Variants in PTPRS observed in about 807,000 individuals in gnomAD.
PTPRS encodes the protein receptor-type tyrosine-protein phosphatase S.
PTPRS carries 63 observed loss-of-function variants against 215.3 expected under a neutral mutation model. The ratio of observed to expected loss-of-function variants is 0.29; its 90% confidence interval spans 0.24 to 0.36. PTPRS has a LOEUF of 0.36. PTPRS is among the 10% of genes least tolerant of loss of function. PTPRS has a pLI of 1.00. For missense variants in PTPRS, 2,258 were observed against 2,825.8 expected, an observed-to-expected ratio of 0.80 and a Z score of 4.56; for synonymous variants, 1,404 against 1,191.4, an observed-to-expected ratio of 1.18 and a Z score of -3.68.
chr19:5,330,158 G>A (rs746054977), intron 1 of PTPRS, among the ~76,000 whole-genome samples: 6 of 151,946 alleles, frequency 3.9e-5, no homozygotes, highest in African/African-American at 4.8e-5. Context: ...CCTTCTGATC[G>A]TGGGCCCCCG....
At chr19:5,331,872 C>T (rs550421687) in intron 1 of PTPRS, among the ~76,000 whole-genome samples, 35 of 152,284 alleles carry the variant, frequency 2.3e-4, no homozygotes, top group East Asian at 1.3e-3. Context: ...GTTTATCGAG[C>T]GCGGACGCTG....
chr19:5,215,848 G>A (rs1427729415), intron 26 of PTPRS, among the ~76,000 whole-genome samples: 8 of 152,128 alleles, frequency 5.3e-5, no homozygotes, highest in Non-Finnish European at 1.5e-5. Context: ...CCCCTGGAGG[G>A]GCCTGGATCA....
intron 9 of PTPRS, among the ~76,000 whole-genome samples, chr19:5,250,018 G>A (rs778059486): frequency 2.6e-5 from 4 of 152,214 alleles, no homozygotes; most frequent in Non-Finnish European, 5.9e-5. Flanking sequence ...AAGACTTGCA[G>A]TACAGGGTTA....
chr19:5,242,613 A>G (rs2044140427), intron 11 of PTPRS, among the ~76,000 whole-genome samples: 1 of 150,552 alleles, frequency 6.6e-6, no homozygotes, highest in Admixed American at 6.6e-5. Flanking sequence ...TCCTGACCTC[A>G]GGTGATCCAC....
At chr19:5,309,673 C>T (rs1486280540) in intron 1 of PTPRS, among the ~76,000 whole-genome samples, 1 of 152,176 alleles carries the variant, frequency 6.6e-6, no homozygotes, top group Non-Finnish European at 1.5e-5. Context: ...TACCGATGTT[C>T]AGGACAGAGG....
At chr19:5,292,174 G>A (rs2048874498) in intron 1 of PTPRS, among the ~76,000 whole-genome samples, 1 of 152,100 alleles carries the variant, frequency 6.6e-6, no homozygotes, top group South Asian at 2.1e-4. Flanking sequence ...CCAGGAACGT[G>A]GCAAAGCCCC....
intron 1 of PTPRS, among the ~76,000 whole-genome samples, chr19:5,322,718 A>G (rs2050059483): frequency 6.6e-6 from 1 of 151,842 alleles, no homozygotes; most frequent in African/African-American, 2.4e-5. Context: ...TGCCTCTACT[A>G]AAAATACAAA....
At chr19:5,262,164 A>C (rs995522502) in intron 6 of PTPRS, among the ~76,000 whole-genome samples, 1 of 152,076 alleles carries the variant, frequency 6.6e-6, no homozygotes, top group East Asian at 1.9e-4. Context: ...AATCCCTGCT[A>C]CTCAGGAGAC....
intron 1 of PTPRS, among the ~76,000 whole-genome samples, chr19:5,296,158 G>T (rs2049127881): frequency 6.6e-6 from 1 of 152,188 alleles, no homozygotes; most frequent in South Asian, 2.1e-4. Context: ...TGCCCTCAGG[G>T]TGTGGATGCT....
At chr19:5,221,691 C>T (rs555238549) in intron 19 of PTPRS, among the ~76,000 whole-genome samples, 64 of 152,132 alleles carry the variant, frequency 4.2e-4, no homozygotes, top group African/African-American at 9.9e-4. Context: ...GGCTGACCCC[C>T]GATCCCAGAC....
intron 9 of PTPRS, 118 bp downstream of exon 9, chr19:5,255,990 C>T (rs1395992693): frequency 2.1e-5 from 13 of 616,826 alleles, no homozygotes; most frequent in Admixed American, 8.4e-5. Flanking sequence ...TATTTTTTTT[C>T]CGTGTGTGTG....
intron 25 of PTPRS, among the ~76,000 whole-genome samples, chr19:5,217,288 G>A (rs1315325995): frequency 1.3e-5 from 2 of 152,246 alleles, no homozygotes; most frequent in African/African-American, 2.4e-5. Flanking sequence ...CATTAGCGGT[G>A]AATTGTGAGA....
intron 33 of PTPRS, among the ~76,000 whole-genome samples, chr19:5,211,084 C>T (rs1196123400): frequency 1.3e-5 from 2 of 152,256 alleles, no homozygotes; most frequent in Non-Finnish European, 2.9e-5. Flanking sequence ...CCTTCAAGGG[C>T]CACTGCCCTA....
intron 1 of PTPRS, among the ~76,000 whole-genome samples, chr19:5,290,748 A>C (rs2048746252): frequency 1.3e-5 from 2 of 152,096 alleles, no homozygotes; most frequent in African/African-American, 4.8e-5. Context: ...TGATTATGCC[A>C]GCAGTGGGAC....
intron 4 of PTPRS, among the ~76,000 whole-genome samples, chr19:5,267,588 T>C (rs1357875503): frequency 1.4e-5 from 2 of 144,726 alleles, no homozygotes; most frequent in Non-Finnish European, 3.0e-5. Flanking sequence ...ACCCAGGAGG[T>C]GGAGGTTGCA....
In PTPRS at chr19:5,229,653, C is replaced by T. The variant is rs1295363745; in HGVS notation, c.2187G>A (p.Ala729=). ...GGATGGCCGTGGCGTTGAGCGCCTC[C>T]GCCTCCACCTTCCGCGGCGGCGCGC... ...VPSAPPRKVE[A]EALNATAIRV... is the part of the protein sequence containing the mutation. Residue 729 remains alanine (A), a synonymous_variant, in exon 15 of 38, where the codon GCG becomes GCA. Transcript: ENST00000262963. The T allele has an allele frequency of 7.0e-6, 9 of 1,292,678 alleles. No homozygotes were observed. Among genetic ancestry groups the T allele is most frequent in the East Asian group, 6.3e-5 (2 of 31,510 alleles). 80.1% of individuals were successfully genotyped at this position (1,292,678 alleles called of 1,614,324 possible). A position where few individuals can be genotyped will look rare whatever the true frequency, so the allele number is the denominator to read the frequency against.
chr19:5,236,859 A>AC (rs1042402736), intron 13 of PTPRS, among the ~76,000 whole-genome samples: 9 of 151,618 alleles, frequency 5.9e-5, no homozygotes, highest in South Asian at 2.1e-4. Context: ...GAAAAAAAAA[A>AC]AAAAAACAAC....
intron 16 of PTPRS, among the ~76,000 whole-genome samples, chr19:5,227,807 A>G (rs1405675586): frequency 6.6e-6 from 1 of 152,160 alleles, no homozygotes; most frequent in Admixed American, 6.5e-5. Flanking sequence ...TCTAGCACAT[A>G]GTAGGTGCTC....
At chr19:5,211,834 C>A in intron 32 of PTPRS, 66 bp from the exon 33 acceptor site, 1 of 1,590,408 alleles carries the variant, frequency 6.3e-7, no homozygotes, top group Non-Finnish European at 8.6e-7. Context: ...AGCTGGAGCA[C>A]CAATGGTGGA....
Sources: gnomAD v4.1 joint callset for allele counts (sites outside exome capture counted in the v4.1 genomes callset) on GRCh38, gnomAD v4.1.1 for gene constraint, MANE v1.5 for transcripts, NCBI Gene and HGNC (gene_info 2026-07-23, HGNC 2026-07-21) for gene names.